The following THSD7B variants were observed in gnomAD, a reference collection of about 807,000 sequenced individuals.
The protein encoded by THSD7B is thrombospondin type-1 domain-containing protein 7B.
In THSD7B, 138 loss-of-function variants were observed where a neutral mutation model predicts 213.6. The ratio of observed to expected loss-of-function variants is 0.65; its 90% CI spans 0.56 to 0.74. The LOEUF is 0.74. Among genes scored for constraint, THSD7B ranks in the 30% least tolerant of loss-of-function variants. The pLI is 0.00. For missense variants in THSD7B, 1,931 were observed against 1,991.5 expected, an observed-to-expected ratio of 0.97 and a Z score of 0.58; for synonymous variants, 742 against 687.0, an observed-to-expected ratio of 1.08 and a Z score of -1.25.
chr2:137,370,251 T>A (rs557816317), intron 12 of THSD7B, among the ~76,000 whole-genome samples: 2 of 152,284 alleles, frequency 1.3e-5, no homozygotes, highest in African/African-American at 4.8e-5. Context: ...TCATTCATTT[T>A]AATTTTGGTT....
At chr2:137,481,544 T>C (rs977707477) in intron 15 of THSD7B, among the ~76,000 whole-genome samples, 1 of 152,170 alleles carries the variant, frequency 6.6e-6, no homozygotes, top group Non-Finnish European at 1.5e-5. Context: ...AAGTACCAAA[T>C]AGAAAAAGTT....
At chr2:137,373,257 C>T (rs1206089778) in intron 12 of THSD7B, among the ~76,000 whole-genome samples, 2 of 152,102 alleles carry the variant, frequency 1.3e-5, no homozygotes, top group African/African-American at 2.4e-5. Flanking sequence ...GTTCTAGATC[C>T]CTGAGGAATC....
intron 25 of THSD7B, among the ~76,000 whole-genome samples, chr2:137,662,106 A>C (rs1573773238): frequency 7.2e-6 from 1 of 137,964 alleles, no homozygotes; most frequent in African/African-American, 2.7e-5. Flanking sequence ...CAGTCCACCC[A>C]GGCTGGAGTG....
At chr2:137,055,142 T>C (rs1687139133) in intron 2 of THSD7B, among the ~76,000 whole-genome samples, 1 of 152,250 alleles carries the variant, frequency 6.6e-6, no homozygotes, top group Non-Finnish European at 1.5e-5. Context: ...TAGTATTCCA[T>C]GGTGTACGTG....
intron 2 of THSD7B, among the ~76,000 whole-genome samples, chr2:136,982,642 C>T (rs1192364338): frequency 6.6e-6 from 1 of 152,040 alleles, no homozygotes; most frequent in East Asian, 1.9e-4. Context: ...ATATCAGGCC[C>T]TTTTTCACAC....
chr2:137,670,445 C>T (rs1489643532), intron 27 of THSD7B, among the ~76,000 whole-genome samples: 1 of 151,606 alleles, frequency 6.6e-6, no homozygotes, highest in Non-Finnish European at 1.5e-5. Flanking sequence ...GGTCCAAACA[C>T]ATTTAAGTCT....
At position 137,331,658 on chromosome 2, in the gene THSD7B, G is replaced by A. The variant is rs182925181; in HGVS notation, c.2500+55632G>A. ...TGGGACTGGGCGCTGTGGAGCAGGG[G>A]GCGGTGCTCATCGGGGAGGCTCTGG... On this transcript the variant is annotated intron_variant, in intron 12 of 27. Coordinates refer to ENST00000409968, the MANE Select transcript of THSD7B (RefSeq NM_001316349.2). 5.1e-3 allele frequency among the ~76,000 whole-genome samples: 781 copies of A among 152,302 alleles called. 5 individuals are homozygous for A. The highest frequency in any genetic ancestry group is 0.018 in the African/African-American group (749 of 41,574).
At chr2:137,098,491 G>A (rs1020250907) in intron 4 of THSD7B, among the ~76,000 whole-genome samples, 1 of 152,112 alleles carries the variant, frequency 6.6e-6, no homozygotes, top group Non-Finnish European at 1.5e-5. Context: ...ATCCAAGTAA[G>A]ATAAAGCTAG....
chr2:137,580,998 G>A (rs1448529206), intron 17 of THSD7B, among the ~76,000 whole-genome samples: 1 of 152,156 alleles, frequency 6.6e-6, no homozygotes, highest in African/African-American at 2.4e-5. Flanking sequence ...TGAGATTTGG[G>A]TGGGGATAAA....
At chr2:137,404,654 A>G (rs932724462) in intron 12 of THSD7B, among the ~76,000 whole-genome samples, 1 of 151,270 alleles carries the variant, frequency 6.6e-6, no homozygotes, top group African/African-American at 2.4e-5. Flanking sequence ...TATAATATAT[A>G]TGATGGAATA....
At chr2:137,165,815 G>C (rs1028198523) in intron 6 of THSD7B, among the ~76,000 whole-genome samples, 1 of 151,394 alleles carries the variant, frequency 6.6e-6, no homozygotes, top group Non-Finnish European at 1.5e-5. Context: ...ACAGAAAGAT[G>C]GAGTATTTAA....
intron 6 of THSD7B, among the ~76,000 whole-genome samples, chr2:137,169,166 G>C (rs1325288289): frequency 9.7e-6 from 1 of 103,016 alleles, no homozygotes; most frequent in Non-Finnish European, 2.2e-5. Flanking sequence ...GGTTATCTTA[G>C]GAAAAAAAAA....
At chr2:137,060,976 G>A (rs375344908) in intron 3 of THSD7B, among the ~76,000 whole-genome samples, 2 of 151,506 alleles carry the variant, frequency 1.3e-5, no homozygotes, top group African/African-American at 4.8e-5. Context: ...ATCCTATTCT[G>A]GTACATAGGA....
At chr2:137,593,532 T>A (rs1681903908) in intron 17 of THSD7B, among the ~76,000 whole-genome samples, 1 of 132,582 alleles carries the variant, frequency 7.5e-6, no homozygotes, top group Non-Finnish European at 1.6e-5. Flanking sequence ...ACTAATAGTG[T>A]TGAGCAACTT....
At chr2:137,565,503 A>C (rs1335095039) in intron 16 of THSD7B, among the ~76,000 whole-genome samples, 1 of 152,172 alleles carries the variant, frequency 6.6e-6, no homozygotes, top group African/African-American at 2.4e-5. Context: ...AGAACTCAAC[A>C]CTAGAATAAT....
intron 5 of THSD7B, among the ~76,000 whole-genome samples, chr2:137,153,321 T>C (rs1276172708): frequency 2.6e-5 from 4 of 152,190 alleles, no homozygotes; most frequent in Non-Finnish European, 4.4e-5. Flanking sequence ...TAATTGGCTA[T>C]ATGAAATGAA....
chr2:137,554,799 C>A (rs1332454988), intron 15 of THSD7B, among the ~76,000 whole-genome samples: 1 of 152,188 alleles, frequency 6.6e-6, no homozygotes, highest in Non-Finnish European at 1.5e-5. Flanking sequence ...CCTTTCATAG[C>A]CAAACAAATC....
intron 4 of THSD7B, among the ~76,000 whole-genome samples, chr2:137,111,694 A>G (rs1477126209): frequency 1.3e-5 from 2 of 152,202 alleles, no homozygotes; most frequent in East Asian, 1.9e-4. Flanking sequence ...ATACCCTAGT[A>G]GTCCAAACAA....
chr2:137,053,825 C>CA (rs940992380), intron 2 of THSD7B, among the ~76,000 whole-genome samples: 20 of 151,150 alleles, frequency 1.3e-4, no homozygotes, highest in East Asian at 1.9e-4. Flanking sequence ...CAGTGCTCTA[C>CA]AAAAAAAAAT....
Sources: gnomAD v4.1 joint callset for allele counts (sites outside exome capture counted in the v4.1 genomes callset) on GRCh38, gnomAD v4.1.1 for gene constraint, MANE v1.5 for transcripts, NCBI Gene and HGNC (gene_info 2026-07-23, HGNC 2026-07-21) for gene names.